TEC: variants seen among roughly 807,000 people sequenced by gnomAD.
TEC encodes the protein tec protein tyrosine kinase.
In TEC, 72 loss-of-function variants were observed where a neutral mutation model predicts 93.0. The observed-to-expected ratio is 0.77, with a 90% CI of 0.64 to 0.94. The LOEUF (loss-of-function observed/expected upper bound fraction) is 0.94. Among genes scored for constraint, TEC ranks in the 40% least tolerant of loss-of-function variants. The probability of loss-of-function intolerance (pLI) is 0.00; values close to 1 mark genes in which losing one functional copy is unlikely to be tolerated. For synonymous variants in TEC, 249 were observed against 247.7 expected (o/e 1.01, Z -0.05); for missense variants, 630 against 757.9 (o/e 0.83, Z 1.98).
At chr4:48,159,057 T>G (rs1720515984) in intron 8 of TEC, among the ~76,000 whole-genome samples, 1 of 149,808 alleles carries the variant, frequency 6.7e-6, no homozygotes, top group Non-Finnish European at 1.5e-5. Context: ...CTTTCTCCTC[T>G]CCTGTGATTA....
chr4:48,164,636 G>C (rs985026285), intron 7 of TEC, among the ~76,000 whole-genome samples: 9 of 152,298 alleles, frequency 5.9e-5, no homozygotes, highest in African/African-American at 2.2e-4. Context: ...TCCAGCAGCA[G>C]TTAAGATCTT....
At chr4:48,221,693 T>C (rs1033843057) in intron 2 of TEC, among the ~76,000 whole-genome samples, 3 of 152,106 alleles carry the variant, frequency 2.0e-5, no homozygotes, top group African/African-American at 4.8e-5. Flanking sequence ...GATTAAATCT[T>C]TGGCTATAAA....
chr4:48,194,878 A>G (rs1359370509), intron 2 of TEC, among the ~76,000 whole-genome samples: 2 of 152,218 alleles, frequency 1.3e-5, no homozygotes, highest in African/African-American at 2.4e-5. Context: ...CAGTTTCTAC[A>G]GGAATATTCA....
chr4:48,192,122 CAG>C (rs1722114802), intron 2 of TEC, among the ~76,000 whole-genome samples: 1 of 152,152 alleles, frequency 6.6e-6, no homozygotes, highest in Non-Finnish European at 1.5e-5. Flanking sequence ...CATCCATCAA[CAG>C]GGGAAACAAA....
intron 1 of TEC, among the ~76,000 whole-genome samples, chr4:48,264,326 C>A (rs7678145): frequency 0.35 from 52,586 of 152,116 alleles, 9,412 homozygotes; most frequent in Middle Eastern, 0.42. Flanking sequence ...AGTTAGGTGA[C>A]TGCCCCTTCT....
At chr4:48,179,362 A>ATC (rs1721478396) in intron 2 of TEC, among the ~76,000 whole-genome samples, 1 of 39,444 alleles carries the variant, frequency 2.5e-5, no homozygotes, top group African/African-American at 9.7e-5. Flanking sequence ...ATATATATAT[A>ATC]TATATATATA....
At chr4:48,226,710 CG>C (rs911379705) in intron 2 of TEC, among the ~76,000 whole-genome samples, 1 of 151,858 alleles carries the variant, frequency 6.6e-6, no homozygotes, top group Non-Finnish European at 1.5e-5. Context: ...GTTAAGTTTG[CG>C]GGGGGAGTCA....
intron 5 of TEC, among the ~76,000 whole-genome samples, chr4:48,169,686 C>G (rs1251020670): frequency 6.6e-6 from 1 of 152,208 alleles, no homozygotes; most frequent in South Asian, 2.1e-4. Flanking sequence ...AGTAACTTAA[C>G]AATCTCCACG....
Position 48,137,133 on chromosome 4 carries a change from G to T in TEC, c.*283C>A. 2.6e-6 allele frequency: 1 copy of T among 389,688 alleles called. No homozygotes were observed. Among genetic ancestry groups the T allele is most frequent in the Non-Finnish European group, 4.6e-6 (1 of 215,302 alleles). 24.1% of individuals were successfully genotyped at this position (389,688 alleles called of 1,614,324 possible). ...GTGCACCCCTGAATGGCCAAACCCT[G>T]GGGCTACACACAGTGCCTGGTAAAC... On this transcript the variant is annotated 3_prime_UTR_variant, in exon 18 of 18. Transcript: ENST00000381501.
intron 3 of TEC, among the ~76,000 whole-genome samples, chr4:48,172,079 T>C (rs1721137250): frequency 6.6e-6 from 1 of 152,214 alleles, no homozygotes; most frequent in Non-Finnish European, 1.5e-5. Context: ...ATTTGGCTGG[T>C]AATCCAGAAA....
In TEC at chr4:48,138,691, C is replaced by T. The variant is rs747172604; in HGVS notation, c.1786G>A (p.Glu596Lys). 12 of 1,613,560 alleles carry T rather than the reference C, an allele frequency of 7.4e-6. No homozygotes were observed. The highest frequency in any genetic ancestry group is 1.0e-5 in the Non-Finnish European group (12 of 1,179,794). ...TCCTGCCAACATCTCAGCATCACCT[C>T]ATACACATAGTTGGACGCCAACTTC... ...QPKLASNYVY[E>K]VMLRCWQEKP... is the part of the protein sequence containing the mutation. The change falls in exon 17 of 18, where the codon GAG becomes AAG. Residue 596 changes from glutamate (E) to lysine (K), a missense_variant. By Grantham distance (56) the Glu-to-Lys change is moderately conservative (BLOSUM62 1). Transcript: ENST00000381501.
At chr4:48,241,610 C>A (rs1723925145) in intron 1 of TEC, among the ~76,000 whole-genome samples, 1 of 152,174 alleles carries the variant, frequency 6.6e-6, no homozygotes, top group South Asian at 2.1e-4. Flanking sequence ...AAGATAAGAG[C>A]CTTGACATCC....
In TEC at chr4:48,137,494, T is replaced by C; in HGVS notation, c.1818A>G (p.Pro606=). The C allele has an allele frequency of 6.2e-7, 1 of 1,613,958 alleles. No individual in the cohort carries two copies. Among genetic ancestry groups the C allele is most frequent in the Non-Finnish European group, 8.5e-7 (1 of 1,179,898 alleles). ...GATCTTCGAAAGAAGGCCTTCCCTC[T>C]GGTTTCTACAATTAAAAGTCAAAGA... ...EVMLRCWQEK[P]EGRPSFEDLL... The change falls in exon 18 of 18, where the codon CCA becomes CCG. Residue 606 remains proline, a synonymous_variant. Transcript: ENST00000381501.
intron 2 of TEC, among the ~76,000 whole-genome samples, chr4:48,180,759 G>T (rs771790196): frequency 1.1e-4 from 16 of 152,140 alleles, no homozygotes; most frequent in Non-Finnish European, 2.2e-4. Context: ...TTCTGCACCA[G>T]CCTTACAAGT....
chr4:48,162,399 C>T (rs1397773147), intron 8 of TEC, among the ~76,000 whole-genome samples: 20 of 152,202 alleles, frequency 1.3e-4, no homozygotes, highest in Admixed American at 1.3e-3. Context: ...AAAACCTCAA[C>T]TGAAATCACA....
chr4:48,158,080 C>T lies in TEC; in HGVS notation c.738-1346G>A, dbSNP rs80071532. Among the ~76,000 whole-genome samples the T allele has an allele frequency of 1.1e-4, 17 of 152,312 alleles. No individual in the cohort carries two copies. In the East Asian group the frequency reaches 2.9e-3, roughly 26 times the overall value. On this transcript the variant is annotated intron_variant, in intron 8 of 17. Transcript: ENST00000381501. The stretch of plus-strand genomic sequence containing the variant: ...CAAATGTTATAAAATCAGCTCAGCT[C>T]CTCTGGACATTTAAATTTCCCAGTA...
intron 1 of TEC, among the ~76,000 whole-genome samples, chr4:48,233,533 C>T (rs899987145): frequency 3.7e-5 from 4 of 107,104 alleles, no homozygotes; most frequent in Non-Finnish European, 9.2e-5. Context: ...AAGGATCACC[C>T]CAGACAATTG....
intron 8 of TEC, among the ~76,000 whole-genome samples, chr4:48,159,832 T>C (rs916819162): frequency 6.6e-6 from 1 of 152,166 alleles, no homozygotes; most frequent in African/African-American, 2.4e-5. Flanking sequence ...TGTGAGCCAC[T>C]GTGCCAAGCC....
intron 2 of TEC, among the ~76,000 whole-genome samples, chr4:48,181,231 G>C (rs1291695924): frequency 6.6e-6 from 1 of 152,162 alleles, no homozygotes. Flanking sequence ...TGTCTTTATA[G>C]ATAAAGACAA....
Sources: allele counts gnomAD v4.1 joint callset (sites outside exome capture counted in the v4.1 genomes callset), GRCh38; gene constraint gnomAD v4.1.1; transcripts MANE v1.5; gene names NCBI Gene and HGNC (gene_info 2026-07-23, HGNC 2026-07-21).